The following ASB7 variants were observed in gnomAD, a reference collection of about 807,000 sequenced individuals.
ASB7 encodes the protein ankyrin repeat and SOCS box protein 7.
Under a neutral mutation model 32.5 loss-of-function variants are expected in ASB7, and 4 were observed. The ratio of observed to expected loss-of-function variants is 0.12; its 90% CI spans 0.06 to 0.28. The LOEUF is 0.28. Among genes scored for constraint, ASB7 ranks in the 10% least tolerant of loss-of-function variants. The pLI, the probability that ASB7 is intolerant of heterozygous loss-of-function variation, is 1.00. For missense variants in ASB7, 181 were observed against 407.1 expected (o/e 0.44, Z 4.78); for synonymous variants, 172 against 155.6 (o/e 1.11, Z -0.78).
intron 5 of ASB7, among the ~76,000 whole-genome samples, chr15:100,635,177 G>A (rs2039913913): frequency 6.6e-6 from 1 of 152,194 alleles, no homozygotes; most frequent in South Asian, 2.1e-4. Context: ...ACCCACATCT[G>A]TACTGTGTTG....
intron 5 of ASB7, among the ~76,000 whole-genome samples, chr15:100,632,145 G>T (rs913855668): frequency 6.6e-6 from 1 of 152,230 alleles, no homozygotes; most frequent in African/African-American, 2.4e-5. Context: ...AATTTGAGCA[G>T]ATAGAAATGT....
chr15:100,626,796 G>A (rs900847783), intron 4 of ASB7, among the ~76,000 whole-genome samples: 4 of 152,054 alleles, frequency 2.6e-5, no homozygotes, highest in African/African-American at 4.8e-5. Flanking sequence ...GTGAACTGTC[G>A]ATACAACATG....
chr15:100,611,819 CTTTTT>C (rs11350952), intron 3 of ASB7, among the ~76,000 whole-genome samples: 8 of 112,896 alleles, frequency 7.1e-5, no homozygotes, highest in South Asian at 5.9e-4. Flanking sequence ...TATATTGCTA[CTTTTT>C]TTTTTTTTTT....
rs1210249578 is a variant in ASB7 at position 100,650,819 on chromosome 15, G to A, written c.*2357G>A. 6.6e-6 allele frequency: 1 copy of A among 152,098 alleles called. No individual in the cohort carries two copies. Among genetic ancestry groups the A allele is most frequent in the African/African-American group, 2.4e-5 (1 of 41,408 alleles). The allele number at this position is 152,098 out of a possible 1,614,324, so 9.4% of individuals were successfully genotyped here. ...TTAAAAAGAATGTTTTATTTTTGTT[G>A]TTAATAAAATCCCAATCACATTTCA... is the stretch of plus-strand genomic sequence containing the variant. On this transcript the variant is annotated 3_prime_UTR_variant, in exon 6 of 6. Coordinates refer to ENST00000332783, the MANE Select transcript of ASB7 (RefSeq NM_198243.3).
chr15:100,620,199 G>C (rs908270198), intron 4 of ASB7, among the ~76,000 whole-genome samples: 2 of 152,208 alleles, frequency 1.3e-5, no homozygotes, highest in Non-Finnish European at 2.9e-5. Context: ...ATATCTTCCT[G>C]TGTACTTTAA....
Position 100,603,077 on chromosome 15 carries a change from A to C in ASB7, c.-273+31A>C, listed in dbSNP as rs2141380762. On this transcript the variant is annotated intron_variant, in intron 1 of 5. Transcript: ENST00000332783. ...GTCCTTTACTTCCCCCGAGGGGAAG[A>C]GTGCTGGCTGGGAGGGTAGGAGGGA... is the stretch of plus-strand genomic sequence containing the variant. The C allele has an allele frequency of 1.3e-5, 5 of 399,046 alleles. No homozygotes were observed. In the East Asian group the frequency reaches 1.8e-4, roughly 14 times the overall value. 24.7% of individuals were successfully genotyped at this position (399,046 alleles called of 1,614,324 possible).
At chr15:100,619,932 TTAATC>T (rs2039776959) in intron 4 of ASB7, among the ~76,000 whole-genome samples, 2 of 152,326 alleles carry the variant, frequency 1.3e-5, no homozygotes, top group South Asian at 2.1e-4. Flanking sequence ...TCTTTCTAGT[TTAATC>T]TAAGCCTGTG....
chr15:100,613,726 G>A (rs1485801152), intron 4 of ASB7, among the ~76,000 whole-genome samples: 1 of 152,198 alleles, frequency 6.6e-6, no homozygotes, highest in Admixed American at 6.5e-5. Context: ...ACCTAGTCCT[G>A]TTGCTTTTCA....
chr15:100,646,217 G>A (rs141117813), intron 5 of ASB7: 1 of 401,458 alleles, frequency 2.5e-6, no homozygotes, highest in Non-Finnish European at 5.0e-6. Context: ...TTGTCACCCA[G>A]GCCACATCTG....
intron 5 of ASB7, chr15:100,645,657 G>A (rs2039992861): frequency 4.8e-6 from 6 of 1,260,806 alleles, no homozygotes; most frequent in Non-Finnish European, 7.0e-6. Flanking sequence ...CAACCTGTAT[G>A]TGAGGTTAGG....
chr15:100,634,526 A>G (rs959340500), intron 5 of ASB7, among the ~76,000 whole-genome samples: 1 of 152,224 alleles, frequency 6.6e-6, no homozygotes, highest in Non-Finnish European at 1.5e-5. Context: ...AGATAGGGCC[A>G]GGTGCAGTGG....
At position 100,602,917 on chromosome 15, in the gene ASB7, G is replaced by A; in HGVS notation, c.-402G>A. The A allele has an allele frequency of 2.5e-6, 1 of 398,916 alleles. No homozygotes were observed. Among genetic ancestry groups the A allele is most frequent in the East Asian group, 3.6e-5 (1 of 28,078 alleles). The allele number at this position is 398,916 out of a possible 1,614,324, so 24.7% of individuals were successfully genotyped here. ...GGCTGTTCGGATGTTCGCCGGGCTG[G>A]GGCCGTGAGGCACCGAGGAGGATCA... On this transcript the variant is annotated 5_prime_UTR_variant, in exon 1 of 6. Transcript: ENST00000332783.
At chr15:100,616,355 A>G (rs781483286) in intron 4 of ASB7, among the ~76,000 whole-genome samples, 1 of 152,038 alleles carries the variant, frequency 6.6e-6, no homozygotes, top group African/African-American at 2.4e-5. Flanking sequence ...CTACATTTCA[A>G]TGTAGGTGAA....
At chr15:100,642,793 T>C (rs1475545888) in intron 5 of ASB7, among the ~76,000 whole-genome samples, 33 of 152,230 alleles carry the variant, frequency 2.2e-4, no homozygotes, top group Admixed American at 2.2e-3. Flanking sequence ...TCCCAGCACC[T>C]TGGGAGGCCG....
At chr15:100,628,885 A>G (rs2039862620) in intron 4 of ASB7, among the ~76,000 whole-genome samples, 2 of 152,374 alleles carry the variant, frequency 1.3e-5, no homozygotes, top group South Asian at 4.1e-4. Flanking sequence ...TGTCAAGATT[A>G]CTTGACATAT....
intron 4 of ASB7, among the ~76,000 whole-genome samples, chr15:100,620,680 TGATGGAA>T (rs1467286284): frequency 2.6e-5 from 4 of 152,214 alleles, no homozygotes; most frequent in African/African-American, 9.7e-5. Context: ...GTTAGAATCG[TGATGGAA>T]GAGTCTCTAT....
intron 5 of ASB7, chr15:100,645,477 G>A (rs1446369657): frequency 3.3e-5 from 18 of 547,586 alleles, no homozygotes; most frequent in South Asian, 2.5e-4. Flanking sequence ...CCTCCACTCG[G>A]AAGGAGCCCT....
intron 4 of ASB7, among the ~76,000 whole-genome samples, chr15:100,622,679 A>C (rs564502128): frequency 1.4e-4 from 22 of 152,382 alleles, no homozygotes; most frequent in Non-Finnish European, 2.9e-4. Flanking sequence ...AAAGATAACA[A>C]GAACATACTT....
chr15:100,642,185 C>T lies in ASB7; in HGVS notation c.818-6138C>T, dbSNP rs1026212859. 2.6e-5 allele frequency among the ~76,000 whole-genome samples: 4 copies of T among 152,234 alleles called. No individual in the cohort carries two copies. In the East Asian group the frequency reaches 7.7e-4, roughly 29 times the overall value. ...CAACAAATTTAGGCCTCAGAATGTGCATTTTTCCCTGGGAAGGGCTTATGC... is the reference window on the plus strand; with the variant it reads ...CAACAAATTTAGGCCTCAGAATGTGTATTTTTCCCTGGGAAGGGCTTATGC... On this transcript the variant is annotated intron_variant, in intron 5 of 5. Transcript: ENST00000332783.
Sources: gnomAD v4.1 joint callset for allele counts (sites outside exome capture counted in the v4.1 genomes callset) on GRCh38, gnomAD v4.1.1 for gene constraint, MANE v1.5 for transcripts, NCBI Gene and HGNC (gene_info 2026-07-23, HGNC 2026-07-21) for gene names.